LINGO2: variants seen among roughly 807,000 people sequenced by gnomAD.
The protein encoded by LINGO2 is leucine rich repeat and Ig domain containing 2.
LINGO2 carries 14 observed loss-of-function variants against 30.6 expected under a neutral mutation model. The ratio of observed to expected loss-of-function variants is 0.46; its 90% CI spans 0.30 to 0.72. LINGO2 has a LOEUF of 0.72. Ranked by LOEUF, LINGO2 falls within the 30% of genes least tolerant of loss-of-function variation. The pLI, the probability that LINGO2 is intolerant of heterozygous loss-of-function variation, is 0.07. For missense variants in LINGO2, 729 were observed against 751.7 expected (o/e 0.97, Z 0.35); for synonymous variants, 317 against 288.5 (o/e 1.10, Z -1.00).
At chr9:28,327,307 A>G (rs1291511668) in intron 3 of LINGO2, among the ~76,000 whole-genome samples, 2 of 152,214 alleles carry the variant, frequency 1.3e-5, no homozygotes, top group Admixed American at 6.5e-5. Flanking sequence ...GTCTGCTACC[A>G]TCATTCCCAC....
intron 4 of LINGO2, among the ~76,000 whole-genome samples, chr9:28,236,139 G>A (rs902860481): frequency 4.6e-5 from 7 of 152,070 alleles, no homozygotes; most frequent in African/African-American, 7.2e-5. Context: ...GGCAGCTGAC[G>A]TTTCAGTGGA....
chr9:28,155,658 A>G (rs1564006812), intron 4 of LINGO2, among the ~76,000 whole-genome samples: 1 of 152,206 alleles, frequency 6.6e-6, no homozygotes, highest in Non-Finnish European at 1.5e-5. Context: ...TTTAGGAAAT[A>G]GTTGGTGTAA....
intron 4 of LINGO2, among the ~76,000 whole-genome samples, chr9:28,195,045 A>C (rs777947264): frequency 1.3e-5 from 2 of 152,070 alleles, no homozygotes; most frequent in Non-Finnish European, 2.9e-5. Context: ...ATTAGTAATA[A>C]AACCTAGGAA....
In LINGO2 at chr9:28,509,199, A is replaced by G. The variant is rs917335256; in HGVS notation, c.-364-33174T>C. On this transcript the variant is annotated intron_variant, in intron 1 of 5. Coordinates refer to ENST00000379992, the Ensembl canonical transcript of LINGO2. The stretch of plus-strand genomic sequence containing the variant: ...TGAGTGAGACTGTAATTTACAAAGC[A>G]ATTCTAAAAACTGAGTGTGGCTTAA... Among the ~76,000 whole-genome samples, 5 of 152,316 alleles carry G rather than the reference A, an allele frequency of 3.3e-5. No individual in the cohort carries two copies. In the South Asian group the frequency reaches 1.0e-3, roughly 32 times the overall value.
At position 28,292,536 on chromosome 9, in the gene LINGO2, C is replaced by T. The variant is rs529505952; in HGVS notation, c.-87+2672G>A. Among the ~76,000 whole-genome samples the T allele has an allele frequency of 3.3e-3, 500 of 152,126 alleles. 2 individuals carry two copies. Among genetic ancestry groups the T allele is most frequent in the Non-Finnish European group, 3.5e-3 (241 of 68,002 alleles). The stretch of plus-strand genomic sequence containing the variant: ...GGAGTGCAATGGCTCGATCTTGGCT[C>T]ACTGCAACCTCCACCTCCTGGGTTC... On this transcript the variant is annotated intron_variant, in intron 4 of 5. Coordinates refer to ENST00000379992, the Ensembl canonical transcript of LINGO2.
the LINGO2 span, among the ~76,000 whole-genome samples, chr9:29,188,678 A>T: frequency 1.4e-5 from 2 of 140,384 alleles, no homozygotes; most frequent in Admixed American, 1.5e-4. Context: ...CACCTCCCGG[A>T]TGGGGCGGCT....
At chr9:28,389,464 T>A (rs996175113) in intron 2 of LINGO2, among the ~76,000 whole-genome samples, 1 of 152,206 alleles carries the variant, frequency 6.6e-6, no homozygotes, top group Non-Finnish European at 1.5e-5. Context: ...CTGGGTTAGA[T>A]CCCCACCTTC....
At chr9:27,995,695 T>C (rs1008275039) in intron 5 of LINGO2, among the ~76,000 whole-genome samples, 1 of 152,164 alleles carries the variant, frequency 6.6e-6, no homozygotes, top group Non-Finnish European at 1.5e-5. Flanking sequence ...AAATTGAGTA[T>C]AAATTTAGAA....
the LINGO2 span, among the ~76,000 whole-genome samples, chr9:28,824,354 T>A: frequency 2.5e-4 from 38 of 152,254 alleles, no homozygotes; most frequent in African/African-American, 8.4e-4. Flanking sequence ...GCCCAATTAG[T>A]AGGCACATGA....
chr9:29,101,283 C>A, the LINGO2 span, among the ~76,000 whole-genome samples: 3 of 152,154 alleles, frequency 2.0e-5, no homozygotes, highest in Admixed American at 1.3e-4. Context: ...GGAGAAACTA[C>A]AACCTATATT....
At chr9:28,251,398 T>C (rs1418330770) in intron 4 of LINGO2, among the ~76,000 whole-genome samples, 1 of 152,150 alleles carries the variant, frequency 6.6e-6, no homozygotes, top group Non-Finnish European at 1.5e-5. Context: ...TTCCTTTGGA[T>C]AAAGGCAATT....
At chr9:28,690,920 A>G in the LINGO2 span, among the ~76,000 whole-genome samples, 1 of 152,206 alleles carries the variant, frequency 6.6e-6, no homozygotes, top group Admixed American at 6.5e-5. Flanking sequence ...TATTATAAAT[A>G]AAAGTTGAAG....
intron 3 of LINGO2, among the ~76,000 whole-genome samples, chr9:28,299,908 C>T (rs1297874922): frequency 6.6e-6 from 1 of 151,976 alleles, no homozygotes; most frequent in Non-Finnish European, 1.5e-5. Context: ...TCCAATACAC[C>T]ACTTTCTTAC....
At chr9:27,998,240 T>A (rs1045529909) in intron 5 of LINGO2, among the ~76,000 whole-genome samples, 1 of 152,190 alleles carries the variant, frequency 6.6e-6, no homozygotes, top group African/African-American at 2.4e-5. Flanking sequence ...CTAGGTCATA[T>A]GAAACCTTTC....
intron 1 of LINGO2, among the ~76,000 whole-genome samples, chr9:28,662,118 T>C (rs1828607911): frequency 6.6e-6 from 1 of 152,196 alleles, no homozygotes; most frequent in East Asian, 1.9e-4. Flanking sequence ...TGAACTTCTT[T>C]AATGCTATGG....
intron 4 of LINGO2, among the ~76,000 whole-genome samples, chr9:28,082,600 A>C (rs1825803558): frequency 6.6e-6 from 1 of 152,192 alleles, no homozygotes; most frequent in Non-Finnish European, 1.5e-5. Context: ...AGGCTTTGAA[A>C]ACTTTAAACT....
At position 28,418,517 on chromosome 9, in the gene LINGO2, T is replaced by C. The variant is rs376384049; in HGVS notation, c.-278-45649A>G. On this transcript the variant is annotated intron_variant, in intron 2 of 5. Coordinates refer to ENST00000379992, the Ensembl canonical transcript of LINGO2. ...TGGTCTCGAACTCCTGATCTCGTGA[T>C]CTGCCCGCCTGTGCCTCCCAAAGTT... Among the ~76,000 whole-genome samples, 26 of 152,092 alleles carry C rather than the reference T, an allele frequency of 1.7e-4. No homozygotes were observed. In the East Asian group the frequency reaches 1.7e-3, roughly 10 times the overall value.
At chr9:28,016,142 C>A (rs1050748974) in intron 4 of LINGO2, among the ~76,000 whole-genome samples, 3 of 151,996 alleles carry the variant, frequency 2.0e-5, no homozygotes, top group African/African-American at 7.2e-5. Flanking sequence ...ATTTCTTTTC[C>A]CTCCTCATTC....
At chr9:28,154,927 A>T (rs1279652287) in intron 4 of LINGO2, among the ~76,000 whole-genome samples, 2 of 152,218 alleles carry the variant, frequency 1.3e-5, no homozygotes, top group African/African-American at 4.8e-5. Context: ...AAAATCATGA[A>T]TCACTAGCTG....
Sources: allele counts gnomAD v4.1 joint callset (sites outside exome capture counted in the v4.1 genomes callset), GRCh38; gene constraint gnomAD v4.1.1; transcripts MANE v1.5; gene names NCBI Gene and HGNC (gene_info 2026-07-23, HGNC 2026-07-21).